Variants in CHD8 observed in about 807,000 individuals in gnomAD.
CHD8 encodes ATP-dependent chromatin remodeler CHD8.
In CHD8, 31 loss-of-function variants were observed where a neutral mutation model predicts 279.2. The observed-to-expected ratio is 0.11, with a 90% CI of 0.08 to 0.15. The LOEUF (loss-of-function observed/expected upper bound fraction) is 0.15, where lower values mean the gene tolerates loss of function less well. Among genes scored for constraint, CHD8 ranks in the 10% least tolerant of loss-of-function variants. The pLI, the probability that CHD8 is intolerant of heterozygous loss-of-function variation, is 1.00. For synonymous variants in CHD8, 1,081 were observed against 1,139.6 expected, an observed-to-expected ratio of 0.95 and a Z score of 1.04; for missense variants, 2,146 against 3,230.5, an observed-to-expected ratio of 0.66 and a Z score of 8.14.
Position 21,385,377 on chromosome 14 carries a change from C to T in CHD8, c.*236G>A, listed in dbSNP as rs1566402794. On this transcript the variant is annotated 3_prime_UTR_variant, in exon 38 of 38. Coordinates refer to ENST00000646647, the MANE Select transcript of CHD8 (RefSeq NM_001170629.2). ...TGAGCACACCAGCTGCTCTAGTCTC[C>T]TTTCCTTCCCCAGAAATGAGGAAGT... 1.6e-6 allele frequency: 1 copy of T among 623,802 alleles called. No individual in the cohort carries two copies. Among genetic ancestry groups the T allele is most frequent in the Non-Finnish European group, 2.6e-6 (1 of 381,150 alleles). The allele number at this position is 623,802 out of a possible 1,614,324, so 38.6% of individuals were successfully genotyped here. A position where few individuals can be genotyped will look rare whatever the true frequency, so the allele number is the denominator to read the frequency against.
In CHD8 at chr14:21,393,485, C is replaced by T; in HGVS notation, c.6310G>A (p.Glu2104Lys). ...STDESEDEKE[E>K]KLTDQSRSKL... ...TGTCACATGCACTCACTTAGCTTCT[C>T]TTCCTTCTCATCCTCACTCTCATCA... Residue 2104 changes from glutamate (E) to lysine (K), a missense_variant, in exon 32 of 38, where the codon GAG becomes AAG. Physicochemically the swap from Glu to Lys is moderately conservative, Grantham distance 56 (BLOSUM62 1). Transcript: ENST00000646647. The T allele has an allele frequency of 8.9e-6, 14 of 1,568,624 alleles. No homozygotes were observed. The highest frequency in any genetic ancestry group is 9.5e-6 in the Non-Finnish European group (11 of 1,156,072).
chr14:21,431,445 C>T lies in CHD8; in HGVS notation c.199G>A (p.Val67Ile). The change falls in exon 2 of 38, where the codon GTC (valine) becomes ATC (isoleucine). Residue 67 changes from valine (V) to isoleucine (I), a missense_variant. By Grantham distance (29) the Val-to-Ile change is conservative. Coordinates refer to ENST00000646647, the MANE Select transcript of CHD8 (RefSeq NM_001170629.2). ...GGAGCTGTTTCCTCTGGTGGAGGGACCAGTTCACTTGCTGATGAATTCCCC... is the reference window on the plus strand; with the variant it reads ...GGAGCTGTTTCCTCTGGTGGAGGGATCAGTTCACTTGCTGATGAATTCCCC... ...DVGNSSASEL[V>I]PPPEETAPTE... is the part of the protein sequence containing the mutation. The T allele has an allele frequency of 6.5e-7, 1 of 1,537,136 alleles. No homozygotes were observed. The highest frequency in any genetic ancestry group is 2.0e-5 in the Admixed American group (1 of 50,982).
intron 16 of CHD8, among the ~76,000 whole-genome samples, chr14:21,404,163 C>T (rs146635186): frequency 1.3e-4 from 20 of 151,020 alleles, no homozygotes; most frequent in African/African-American, 4.6e-4. Context: ...TTTGGGAGAC[C>T]GAAGCGGGCA....
chr14:21,431,818 G>C lies in CHD8; in HGVS notation c.-175C>G. ...ATGTCAGATTGTCCTGACCTTCATG[G>C]AGCAAGATGGCTACGTCTTCAGAGG... On this transcript the variant is annotated 5_prime_UTR_variant, in exon 2 of 38. Transcript: ENST00000646647. 6.2e-7 allele frequency: 1 copy of C among 1,613,596 alleles called. No homozygotes were observed. Among genetic ancestry groups the C allele is most frequent in the South Asian group, 1.1e-5 (1 of 91,060 alleles).
intron 5 of CHD8, among the ~76,000 whole-genome samples, chr14:21,421,675 C>T (rs1889050171): frequency 6.6e-6 from 1 of 152,144 alleles, no homozygotes; most frequent in Admixed American, 6.5e-5. Flanking sequence ...TGTTCCTTAA[C>T]TTCATTGCCA....
At chr14:21,387,527 G>C (rs960897215) in intron 37 of CHD8, among the ~76,000 whole-genome samples, 1 of 152,056 alleles carries the variant, frequency 6.6e-6, no homozygotes, top group African/African-American at 2.4e-5. Context: ...CCAGCTACTG[G>C]GGAGGCTGAG....
chr14:21,408,845 A>T lies in CHD8; in HGVS notation c.2365-20T>A. ...ACGATTCTAAAAAACAAGACGTTTG[A>T]ATAAATGGAGTGGAGACATTATCAA... is the stretch of plus-strand genomic sequence containing the variant. On this transcript the variant is annotated intron_variant, in intron 11 of 37. Coordinates refer to ENST00000646647, the MANE Select transcript of CHD8 (RefSeq NM_001170629.2). The surrounding 1 kb of genome is among the most constrained non-coding windows in gnomAD (Gnocchi z 4.3). 1 of 1,597,718 alleles carries T rather than the reference A, an allele frequency of 6.3e-7. No individual in the cohort carries two copies. The highest frequency in any genetic ancestry group is 8.5e-7 in the Non-Finnish European group (1 of 1,171,422).
At chr14:21,410,383 T>C (rs1287356599) in intron 10 of CHD8, among the ~76,000 whole-genome samples, 2 of 152,210 alleles carry the variant, frequency 1.3e-5, no homozygotes, top group African/African-American at 2.4e-5. Context: ...AGGCTACCTT[T>C]AGGATGAGGA....
Position 21,401,190 on chromosome 14 carries a change from T to A in CHD8, c.4174-119A>T, listed in dbSNP as rs542962997. ...ACGTGTAGATACTCAGAGATTTTTTTAAATGACATGTAAAATAATCTACAG... is the reference window on the plus strand; with the variant it reads ...ACGTGTAGATACTCAGAGATTTTTTAAAATGACATGTAAAATAATCTACAG... On this transcript the variant is annotated intron_variant, in intron 21 of 37. Coordinates refer to ENST00000646647, the MANE Select transcript of CHD8 (RefSeq NM_001170629.2). 5.4e-6 allele frequency: 5 copies of A among 918,332 alleles called. No homozygotes were observed. The South Asian group carries it at 7.4e-5, about 14-fold the overall frequency. 56.9% of individuals were successfully genotyped at this position (918,332 alleles called of 1,614,324 possible). A position where few individuals can be genotyped will look rare whatever the true frequency, so the allele number is the denominator to read the frequency against.
chr14:21,425,804 T>C (rs1889289475), intron 5 of CHD8: 2 of 232,116 alleles, frequency 8.6e-6, no homozygotes, highest in African/African-American at 2.3e-5. Flanking sequence ...GGCGTGGTGG[T>C]GCATGCCTAT....
rs905026263 is a variant in CHD8, at chr14:21,402,241, A to C, written c.3882+95T>G. 6.6e-6 allele frequency: 10 copies of C among 1,521,170 alleles called. No individual in the cohort carries two copies. The highest frequency in any genetic ancestry group is 9.0e-6 in the Non-Finnish European group (10 of 1,104,982). 94.2% of individuals were successfully genotyped at this position (1,521,170 alleles called of 1,614,324 possible). On this transcript the variant is annotated intron_variant, in intron 19 of 37. Transcript: ENST00000646647. The surrounding 1 kb of genome is among the most constrained non-coding windows in gnomAD (Gnocchi z 4.5). ...TTTAAGAAATAATAATTGAGAATCCAAACAAGGTAGTCAAATCCCTGTGTA... is the reference window on the plus strand; with the variant it reads ...TTTAAGAAATAATAATTGAGAATCCCAACAAGGTAGTCAAATCCCTGTGTA...
In CHD8 at chr14:21,418,543, C is replaced by T. The variant is rs558291942; in HGVS notation, c.1717-2636G>A. 4.6e-5 allele frequency among the ~76,000 whole-genome samples: 7 copies of T among 151,724 alleles called. No homozygotes were observed. The East Asian group carries it at 5.8e-4, about 13-fold the overall frequency. On this transcript the variant is annotated intron_variant, in intron 5 of 37. Coordinates refer to ENST00000646647, the MANE Select transcript of CHD8 (RefSeq NM_001170629.2). ...AAAAAATAAATAAAATAGCCAGGCG[C>T]GGTGGCCCACGCCTGTAATCCCAGC...
Position 21,426,218 on chromosome 14 carries a change from C to T in CHD8, c.1626G>A (p.Lys542=), listed in dbSNP as rs760180487. The T allele has an allele frequency of 2.5e-6, 4 of 1,606,550 alleles. No homozygotes were observed. Among genetic ancestry groups the T allele is most frequent in the Non-Finnish European group, 3.4e-6 (4 of 1,173,880 alleles). ...CAGATGAGGTATTACGTTTTCTCTT[C>T]TTACCCACTACAGGAGTGATGGTGC... ...KLNTITPVVG[K]KRKRNTSSDN... The change falls in exon 5 of 38, where the codon AAG becomes AAA. Residue 542 remains lysine (K), a synonymous_variant. Transcript: ENST00000646647.
chr14:21,415,836 A>T lies in CHD8; in HGVS notation c.1788T>A (p.Asp596Glu), dbSNP rs2139499884. Residue 596 changes from aspartate (D) to glutamate (E), a missense_variant, in exon 6 of 38, where the codon GAT (aspartate) becomes GAA (glutamate). By Grantham distance (45) the Asp-to-Glu change is conservative. Transcript: ENST00000646647. ...TEDLDIKITDDEEEEEVDVTG... is the reference protein window; with the variant it reads ...TEDLDIKITDEEEEEEVDVTG... The stretch of plus-strand genomic sequence containing the variant: ...TTACATCCACCTCTTCTTCTTCTTC[A>T]TCATCTGTGATCTTTATATCCAGGT... 6.2e-7 allele frequency: 1 copy of T among 1,613,978 alleles called. No individual in the cohort carries two copies. The highest frequency in any genetic ancestry group is 8.5e-7 in the Non-Finnish European group (1 of 1,179,864).
At chr14:21,436,102 CCT>C (rs1269089667) in intron 1 of CHD8, among the ~76,000 whole-genome samples, 1 of 152,254 alleles carries the variant, frequency 6.6e-6, no homozygotes, top group Non-Finnish European at 1.5e-5. Context: ...GCCATGCTGA[CCT>C]CTTTCTGTAA....
At chr14:21,404,930 C>CATTAAAAAAAAAAA in intron 16 of CHD8, 1 of 377,562 alleles carries the variant, frequency 2.6e-6, no homozygotes, top group Non-Finnish European at 4.8e-6. Flanking sequence ...CTTCTGGGTT[C>CATTAAAAAAAAAAA]AAGCAATCCT....
At chr14:21,449,404 C>G (rs1890205658) in intron 1 of CHD8, among the ~76,000 whole-genome samples, 1 of 152,154 alleles carries the variant, frequency 6.6e-6, no homozygotes. Flanking sequence ...ATTTATTATT[C>G]TCCATCCAAT....
intron 1 of CHD8, among the ~76,000 whole-genome samples, chr14:21,439,525 A>G (rs1044857854): frequency 5.9e-5 from 9 of 152,218 alleles, no homozygotes; most frequent in African/African-American, 1.9e-4. Flanking sequence ...ATGTTTGACT[A>G]TGAAACTAAG....
At chr14:21,446,228 T>A (rs1351670285) in intron 1 of CHD8, among the ~76,000 whole-genome samples, 2 of 151,978 alleles carry the variant, frequency 1.3e-5, no homozygotes, top group Non-Finnish European at 2.9e-5. Flanking sequence ...TTTCCCAGAC[T>A]AGTAACAGCT....
Sources: gnomAD v4.1 joint callset for allele counts (sites outside exome capture counted in the v4.1 genomes callset) on GRCh38, gnomAD v4.1.1 for gene constraint, Gnocchi (gnomAD v3.1) non-coding constraint, MANE v1.5 for transcripts, NCBI Gene and HGNC (gene_info 2026-07-23, HGNC 2026-07-21) for gene names.